GPR135: variants seen among roughly 807,000 people sequenced by gnomAD.
GPR135 encodes G protein-coupled receptor 135, also known as G-protein coupled receptor 135.
GPR135 carries 17 observed loss-of-function variants against 15.0 expected under a neutral mutation model. The ratio of observed to expected loss-of-function variants is 1.13; its 90% CI spans 0.78 to 1.70. The LOEUF is 1.70. GPR135 is among the 40% of genes most tolerant of loss of function. GPR135 has a pLI of 0.00. For missense variants in GPR135, 776 were observed against 727.0 expected, an observed-to-expected ratio of 1.07 and a Z score of -0.78; for synonymous variants, 368 against 349.4, an observed-to-expected ratio of 1.05 and a Z score of -0.59.
At chr14:59,458,887 G>C (rs1255361133), downstream of GPR135, 2 of 152,164 alleles carry the variant, frequency 1.3e-5, no homozygotes. Flanking sequence ...CATGTAGCCT[G>C]AGAGATGTGA....
intron 6 of GPR135, among the ~76,000 whole-genome samples, chr14:59,454,214 CAG>C (rs1888578593): frequency 6.6e-6 from 1 of 152,196 alleles, no homozygotes; most frequent in African/African-American, 2.4e-5. Context: ...CATGTGAAAA[CAG>C]AGACTGGCTT....
intron 6 of GPR135, among the ~76,000 whole-genome samples, chr14:59,454,350 T>A (rs1888583258): frequency 6.6e-6 from 1 of 152,170 alleles, no homozygotes; most frequent in Non-Finnish European, 1.5e-5. Flanking sequence ...AGACAGCCTA[T>A]TGTGGGAACC....
chr14:59,464,502 AAGG>A lies in GPR135; in HGVS notation c.722_724del (p.Ser241del). ...GGGCGCCCCGAGCAGCTCCCAGGGC[AAGG>A]AGAAGCCCAGGGCCGTCAGCCAGGC... On this transcript the variant is annotated inframe_deletion, in exon 1 of 1. Transcript: ENST00000395116. 1 of 1,543,852 alleles carries A rather than the reference AAGG, an allele frequency of 6.5e-7. No individual in the cohort carries two copies. The highest frequency in any genetic ancestry group is 8.7e-7 in the Non-Finnish European group (1 of 1,151,858).
At chr14:59,457,569 A>T (rs990558809), downstream of GPR135, among the ~76,000 whole-genome samples, 5 of 152,088 alleles carry the variant, frequency 3.3e-5, no homozygotes, top group Admixed American at 2.6e-4. Flanking sequence ...AAGTTTGCTA[A>T]TTCTTTCTTC....
chr14:59,463,760 A>C lies in GPR135; in HGVS notation c.1467T>G (p.Ala489=). Residue 489 remains alanine (A), a synonymous_variant, in exon 1 of 1, where the codon GCT becomes GCG. Transcript: ENST00000395116. The part of the protein sequence containing the change: ...TAVTKQPKSE[A]GDTSL ...AACCGTCTTAGAGGCTGGTATCCCC[A>C]GCTTCGGATTTAGGCTGTTTGGTCA... 1 of 1,600,834 alleles carries C rather than the reference A, an allele frequency of 6.2e-7. No individual in the cohort carries two copies. The highest frequency in any genetic ancestry group is 8.5e-7 in the Non-Finnish European group (1 of 1,171,626).
At chr14:59,453,494 G>A (rs1888556335) in intron 6 of GPR135, among the ~76,000 whole-genome samples, 1 of 152,202 alleles carries the variant, frequency 6.6e-6, no homozygotes, top group Non-Finnish European at 1.5e-5. Context: ...ACTGTTCTTG[G>A]CAGAGCTACT....
At chr14:59,454,694 A>C (rs1017586313) in intron 6 of GPR135, among the ~76,000 whole-genome samples, 2 of 152,166 alleles carry the variant, frequency 1.3e-5, no homozygotes, top group Admixed American at 1.3e-4. Flanking sequence ...TTTAAATAGG[A>C]AGGTTTTAAA....
intron 6 of GPR135, among the ~76,000 whole-genome samples, chr14:59,453,649 C>T (rs915466060): frequency 2.0e-5 from 3 of 152,064 alleles, no homozygotes; most frequent in Non-Finnish European, 2.9e-5. Flanking sequence ...CCCAGAACTA[C>T]GTCATCAAGT....
Position 59,464,084 on chromosome 14 carries a change from G to A in GPR135, c.1143C>T (p.Ala381=), listed in dbSNP as rs754063556. 3 of 1,612,654 alleles carry A rather than the reference G, an allele frequency of 1.9e-6. No individual in the cohort carries two copies. The South Asian group carries it at 3.3e-5, about 18-fold the overall frequency. Residue 381 remains alanine, a synonymous_variant, in exon 1 of 1, where the codon GCC becomes GCT. Coordinates refer to ENST00000395116, the MANE Select transcript of GPR135 (RefSeq NM_022571.6). ...GGATGGCGTAGATGACAGGGTTGATGGCCCCATTGGCCCAGGTCAGCCAGA... is the reference window on the plus strand; with the variant it reads ...GGATGGCGTAGATGACAGGGTTGATAGCCCCATTGGCCCAGGTCAGCCAGA... ...VAVWLTWANG[A]INPVIYAIRN... is the part of the protein sequence containing the mutation.
At chr14:59,453,473 T>C (rs111476301) in intron 6 of GPR135, among the ~76,000 whole-genome samples, 6,032 of 152,348 alleles carry the variant, frequency 0.04, 157 homozygotes, top group Non-Finnish European at 0.057. Flanking sequence ...AATCTCTTCT[T>C]CCTTATAGCT....
At chr14:59,457,946 G>C (rs888565212), downstream of GPR135, among the ~76,000 whole-genome samples, 2 of 152,010 alleles carry the variant, frequency 1.3e-5, no homozygotes, top group African/African-American at 4.8e-5. Flanking sequence ...AGAGAACCAG[G>C]GAAAAAGACA....
rs1454482396 is a variant in GPR135, at chr14:59,464,028, C to A, written c.1199G>T (p.Arg400Leu). ...AGTCCGGTAGCCCTCCTCGCGGTTG[C>A]GCCCTAGGAGCATCGAAATGTTGGG... ...RNPNISMLLG[R>L]NREEGYRTRN... The change falls in exon 1 of 1, where the codon CGC becomes CTC. Residue 400 changes from arginine (R) to leucine (L), a missense_variant. Arg to Leu is a moderately radical substitution (Grantham distance 102). Transcript: ENST00000395116. 5 of 1,613,698 alleles carry A rather than the reference C, an allele frequency of 3.1e-6. No individual in the cohort carries two copies. The highest frequency in any genetic ancestry group is 1.7e-5 in the Admixed American group (1 of 60,016).
chr14:59,457,453 A>G (rs1416673322), downstream of GPR135, among the ~76,000 whole-genome samples: 3 of 152,120 alleles, frequency 2.0e-5, no homozygotes, highest in Non-Finnish European at 4.4e-5. Flanking sequence ...TTACACATAT[A>G]TTAATGCACT....
Position 59,463,028 on chromosome 14 carries a change from G to A in GPR135, c.*714C>T, listed in dbSNP as rs548186737. ...GAAGATCATTTTGGAGGTATGACGC[G>A]GGTGGAAGGAATGTTAATTTTTACA... On this transcript the variant is annotated 3_prime_UTR_variant, in exon 1 of 1. Coordinates refer to ENST00000395116, the MANE Select transcript of GPR135 (RefSeq NM_022571.6). 3 of 152,222 alleles carry A rather than the reference G, an allele frequency of 2.0e-5. No individual in the cohort carries two copies. The South Asian group carries it at 6.2e-4, about 32-fold the overall frequency. 9.4% of individuals were successfully genotyped at this position (152,222 alleles called of 1,614,324 possible). A position where few individuals can be genotyped will look rare whatever the true frequency, so the allele number is the denominator to read the frequency against.
At chr14:59,457,635 G>GT (rs1290222816), downstream of GPR135, among the ~76,000 whole-genome samples, 2 of 152,044 alleles carry the variant, frequency 1.3e-5, no homozygotes, top group Admixed American at 1.3e-4. Flanking sequence ...TTTAGTAATT[G>GT]TAATTTTCAA....
rs764171954 is a variant in GPR135 at position 59,464,165 on chromosome 14, G to A, written c.1062C>T (p.Ala354=). 6 of 1,608,976 alleles carry A rather than the reference G, an allele frequency of 3.7e-6. No homozygotes were observed. The highest frequency in any genetic ancestry group is 4.5e-5 in the East Asian group (2 of 44,858). The change falls in exon 1 of 1, where the codon GCC becomes GCT. Residue 354 remains alanine (A), a synonymous_variant. Transcript: ENST00000395116. ...WGPYCFLVLL[A]AARQAQTMQA... ...GCATGGTCTGGGCCTGCCGGGCGGC[G>A]GCCAGCAGCACCAGGAAGCAGTAGG...
Position 59,463,746 on chromosome 14 carries a change from A to G in GPR135, c.1481T>C (p.Leu494Pro), listed in dbSNP as rs199739031. 354 of 1,589,940 alleles carry G rather than the reference A, an allele frequency of 2.2e-4. No homozygotes were observed. In the East Asian group the frequency reaches 4.3e-3, roughly 19 times the overall value. The stretch of plus-strand genomic sequence containing the variant: ...AAGCTGGCCATTCCAACCGTCTTAG[A>G]GGCTGGTATCCCCAGCTTCGGATTT... ...QPKSEAGDTSL is the reference protein window; with the variant it reads ...QPKSEAGDTSP The change falls in exon 1 of 1, where the codon CTC becomes CCC. Residue 494 changes from leucine to proline, a missense_variant. Coordinates refer to ENST00000395116, the MANE Select transcript of GPR135 (RefSeq NM_022571.6).
Position 59,464,906 on chromosome 14 carries a change from C to G in GPR135, c.321G>C (p.Ala107=), listed in dbSNP as rs765014033. The change falls in exon 1 of 1, where the codon GCG becomes GCC. Residue 107 remains alanine, a synonymous_variant. Transcript: ENST00000395116. The part of the protein sequence containing the change: ...LSHGAAVAAQ[A]LVLLLIFLLS... ...GCAGGAAGATGAGCAGGAGGACGAGCGCCTGGGCCGCCACTGCAGCTCCGT... is the reference window on the plus strand; with the variant it reads ...GCAGGAAGATGAGCAGGAGGACGAGGGCCTGGGCCGCCACTGCAGCTCCGT... 1.9e-6 allele frequency: 3 copies of G among 1,600,264 alleles called. No individual in the cohort carries two copies. In the Admixed American group the frequency reaches 5.1e-5, roughly 27 times the overall value.
chr14:59,453,535 A>G (rs72710926), intron 6 of GPR135, among the ~76,000 whole-genome samples: 2,096 of 152,354 alleles, frequency 0.014, 29 homozygotes, highest in African/African-American at 0.04. Context: ...GCAGAGTAAC[A>G]CAGAGACCAT....
Sources: gnomAD v4.1 joint callset for allele counts (sites outside exome capture counted in the v4.1 genomes callset) on GRCh38, gnomAD v4.1.1 for gene constraint, MANE v1.5 for transcripts, NCBI Gene and HGNC (gene_info 2026-07-23, HGNC 2026-07-21) for gene names.